Variants in BCOR observed in about 807,000 individuals in gnomAD.
BCOR encodes the protein BCL-6 corepressor.
BCOR carries 10 observed loss-of-function variants against 86.7 expected under a neutral mutation model. The observed-to-expected ratio is 0.12, with a 90% CI of 0.07 to 0.20. The LOEUF is 0.20. Among genes scored for constraint, BCOR ranks in the 10% least tolerant of loss-of-function variants. The pLI is 1.00. For missense variants in BCOR, 1,259 were observed against 1,452.1 expected (o/e 0.87, Z 2.16); for synonymous variants, 611 against 609.0 (o/e 1.00, Z -0.05).
chrX:40,085,831 C>G (rs1342877164), intron 1 of BCOR, among the ~76,000 whole-genome samples: 2 of 111,619 alleles, frequency 1.8e-5, no homozygotes, highest in African/African-American at 6.5e-5. Flanking sequence ...AGTCCACCTG[C>G]TTGGGCCAGC....
Position 40,076,456 on chromosome X carries a change from C to T in BCOR, c.163G>A (p.Val55Met), listed in dbSNP as rs142564611. 18 of 1,190,933 alleles carry T rather than the reference C, an allele frequency of 1.5e-5. No homozygotes were observed. The highest frequency in any genetic ancestry group is 4.4e-5 in the Admixed American group (2 of 45,943). Reference sequence around the variant, plus strand: ...AACAGAAGCTATTAATCTCTTACCACGTTGTGGTTCAAGGGATTCTCTTCC... The same window carrying T: ...AACAGAAGCTATTAATCTCTTACCATGTTGTGGTTCAAGGGATTCTCTTCC... ...LREENPLNHN[V>M]VDASTAHRID... is the part of the protein sequence containing the mutation. The change falls in exon 3 of 15, where the codon GTG becomes ATG. Residue 55 changes from valine (V) to methionine (M), a missense_variant and splice_region_variant. Around this residue, in one of 7 missense-constraint regions of BCOR, gnomAD observed 174 missense variants for 189.3 expected, o/e 0.92. Coordinates refer to ENST00000378444, the MANE Select transcript of BCOR (RefSeq NM_001123385.2).
intron 1 of BCOR, among the ~76,000 whole-genome samples, chrX:40,162,891 A>G (rs938787545): frequency 9.8e-5 from 11 of 111,930 alleles, no homozygotes; most frequent in Non-Finnish European, 1.9e-4. Context: ...AACCTCTAGC[A>G]TGAAATTAGA....
rs367637835 is a variant in BCOR at position 40,140,495 on chromosome X, C to A, written c.-41+36512G>T. 4.0e-4 allele frequency among the ~76,000 whole-genome samples: 45 copies of A among 111,263 alleles called. 1 individual carries two copies. The highest frequency in any genetic ancestry group is 3.7e-3 in the East Asian group (13 of 3,545). On this transcript the variant is annotated intron_variant, in intron 1 of 14. Coordinates refer to the BCOR transcript ENST00000342274. ...ACAAACAAACAAACAAACAAAAAAA[C>A]CAAAAAACTATGCCTGAGGAGTAAT...
chrX:40,105,291 C>T (rs914758292), intron 1 of BCOR, among the ~76,000 whole-genome samples: 10 of 111,269 alleles, frequency 9.0e-5, no homozygotes, highest in African/African-American at 2.9e-4. Flanking sequence ...TTCCGAGAGC[C>T]GCGCGGCGGC....
At chrX:40,171,779 G>C (rs970578100) in intron 1 of BCOR, among the ~76,000 whole-genome samples, 2 of 113,310 alleles carry the variant, frequency 1.8e-5, no homozygotes, top group Non-Finnish European at 3.7e-5. Flanking sequence ...AACCCGGAGA[G>C]GGAGCCGGAA....
chrX:40,171,147 G>A (rs1412670829), intron 1 of BCOR, among the ~76,000 whole-genome samples: 2 of 111,973 alleles, frequency 1.8e-5, no homozygotes, highest in African/African-American at 6.5e-5. Context: ...CCTTCCTCCA[G>A]GTCAATGTCA....
chrX:40,062,410 C>T lies in BCOR; in HGVS notation c.4174-17G>A, dbSNP rs750421533. 1 of 1,197,894 alleles carries T rather than the reference C, an allele frequency of 8.3e-7. No individual in the cohort carries two copies. The highest frequency in any genetic ancestry group is 1.8e-5 in the South Asian group (1 of 54,954). On this transcript the variant is annotated splice_polypyrimidine_tract_variant and intron_variant, in intron 9 of 14. Transcript: ENST00000378444. Reference sequence around the variant, plus strand: ...GACAGTCACCTATCATAAAACCAAGCAGCGCACACGGTTAAGCCCGTGTCC... The same window carrying T: ...GACAGTCACCTATCATAAAACCAAGTAGCGCACACGGTTAAGCCCGTGTCC...
At chrX:40,065,252 G>C (rs549988105) in intron 6 of BCOR, among the ~76,000 whole-genome samples, 2 of 112,533 alleles carry the variant, frequency 1.8e-5, no homozygotes, top group African/African-American at 6.4e-5. Flanking sequence ...GCTGGGAAGA[G>C]GGGCGTGGCA....
chrX:40,139,437 TATATATATA>T (rs1937807421), intron 1 of BCOR, among the ~76,000 whole-genome samples: 2 of 20,884 alleles, frequency 9.6e-5, no homozygotes, highest in Admixed American at 9.1e-4. Context: ...TATATATATA[TATATATATA>T]ATATATATAC....
In BCOR at chrX:40,062,367, C is replaced by T. The variant is rs2147016794; in HGVS notation, c.4200G>A (p.Arg1400=). Residue 1400 remains arginine, a synonymous_variant, in exon 10 of 15, where the codon CGG becomes CGA. Coordinates refer to ENST00000378444, the MANE Select transcript of BCOR (RefSeq NM_001123385.2). ...GKVTVRRFRK[R]PEPSSDYDLS... is the part of the protein sequence containing the mutation. Reference sequence around the variant, plus strand: ...GATCATAGTCCGAACTGGGCTCCGGCCGCTTTCTGAATCTCCGGACAGTCA... The same window carrying T: ...GATCATAGTCCGAACTGGGCTCCGGTCGCTTTCTGAATCTCCGGACAGTCA... 1 of 1,205,833 alleles carries T rather than the reference C, an allele frequency of 8.3e-7. No individual in the cohort carries two copies. The highest frequency in any genetic ancestry group is 1.1e-6 in the Non-Finnish European group (1 of 892,747).
chrX:40,123,638 C>A (rs1461994146), intron 1 of BCOR, among the ~76,000 whole-genome samples: 1 of 111,089 alleles, frequency 9.0e-6, no homozygotes, highest in Non-Finnish European at 1.9e-5. Flanking sequence ...CAGGTGTGAG[C>A]CACCGCGCCC....
chrX:40,057,336 G>A lies in BCOR; in HGVS notation c.4429-15C>T, dbSNP rs778612759. 1.7e-6 allele frequency: 2 copies of A among 1,204,333 alleles called. No individual in the cohort carries two copies. The highest frequency in any genetic ancestry group is 2.2e-6 in the Non-Finnish European group (2 of 889,582). On this transcript the variant is annotated splice_polypyrimidine_tract_variant and intron_variant, in intron 10 of 14. Coordinates refer to ENST00000378444, the MANE Select transcript of BCOR (RefSeq NM_001123385.2). ...AGGACCACTTCCTGTGGGGAGGGGA[G>A]GGAAGAATGCCATCAGATCACTGCA... is the stretch of plus-strand genomic sequence containing the variant.
At position 40,072,751 on chromosome X, in the gene BCOR, G is replaced by C. The variant is rs750258173; in HGVS notation, c.2595C>G (p.Phe865Leu). The part of the protein sequence containing the change: ...LREELGRISD[F>L]HETYTFKQPV... ...GCTGTTTGAAAGTATAAGTTTCGTG[G>C]AAGTCACTGATGCGCCCCAACTCCT... is the stretch of plus-strand genomic sequence containing the variant. The change falls in exon 4 of 15, where the codon TTC becomes TTG. Residue 865 changes from phenylalanine (F) to leucine (L), a missense_variant. Physicochemically the swap from Phe to Leu is conservative, Grantham distance 22 (BLOSUM62 0). Around this residue, in one of 7 missense-constraint regions of BCOR, gnomAD observed 534 missense variants for 594.8 expected, o/e 0.90. Transcript: ENST00000378444. 2 of 1,210,073 alleles carry C rather than the reference G, an allele frequency of 1.7e-6. No individual in the cohort carries two copies. Among genetic ancestry groups the C allele is most frequent in the Non-Finnish European group, 2.2e-6 (2 of 895,295 alleles).
chrX:40,123,964 G>A (rs759693886), intron 1 of BCOR, among the ~76,000 whole-genome samples: 1 of 111,520 alleles, frequency 9.0e-6, no homozygotes, highest in Admixed American at 9.6e-5. Flanking sequence ...TGGTGAGAAA[G>A]GGCCACCATG....
chrX:40,165,456 T>C (rs926820059), intron 1 of BCOR, among the ~76,000 whole-genome samples: 1 of 112,112 alleles, frequency 8.9e-6, no homozygotes, highest in South Asian at 3.7e-4. Flanking sequence ...AGTGCACAAC[T>C]AGGCCCCAGC....
intron 1 of BCOR, among the ~76,000 whole-genome samples, chrX:40,121,472 A>G (rs778621744): frequency 1.4e-4 from 16 of 112,955 alleles, no homozygotes; most frequent in South Asian, 3.6e-4. Context: ...CGTTAAGGCT[A>G]TAATTACTTC....
chrX:40,164,327 T>C (rs1229446413), intron 1 of BCOR, among the ~76,000 whole-genome samples: 2 of 112,908 alleles, frequency 1.8e-5, no homozygotes, highest in Non-Finnish European at 3.7e-5. Flanking sequence ...TGAGCTCCCT[T>C]GTAGCTGACA....
chrX:40,146,190 C>G lies in BCOR; in HGVS notation c.-41+30817G>C, dbSNP rs572006830. ...TACAGCCCGCTCTCCGCACGGTAGC[C>G]TGATCCATCTCGTGGGCGCGGAGGC... On this transcript the variant is annotated intron_variant, in intron 1 of 14. Coordinates refer to the BCOR transcript ENST00000342274. Among the ~76,000 whole-genome samples, 8 of 112,410 alleles carry G rather than the reference C, an allele frequency of 7.1e-5. No homozygotes were observed. In the South Asian group the frequency reaches 3.0e-3, roughly 42 times the overall value.
chrX:40,088,448 G>A (rs1353440281), intron 1 of BCOR, among the ~76,000 whole-genome samples: 2 of 111,863 alleles, frequency 1.8e-5, no homozygotes, highest in Non-Finnish European at 3.8e-5. Context: ...AAGGCTTTTA[G>A]GGGAAGAAGG....
Sources: allele counts gnomAD v4.1 joint callset (sites outside exome capture counted in the v4.1 genomes callset), GRCh38; gene constraint gnomAD v4.1.1; regional missense constraint gnomAD v4.1.1; transcripts MANE v1.5; gene names NCBI Gene and HGNC (gene_info 2026-07-23, HGNC 2026-07-21).